Variants in SSBP3 observed in about 807,000 individuals in gnomAD.
SSBP3 encodes single-stranded DNA-binding protein 3.
A neutral mutation model predicts 69.6 loss-of-function variants in SSBP3; 5 were observed. The observed-to-expected ratio is 0.07, with a 90% confidence interval of 0.04 to 0.15. The LOEUF (loss-of-function observed/expected upper bound fraction) is 0.15, where lower values mean the gene tolerates loss of function less well. Ranked by LOEUF, SSBP3 falls within the 10% of genes least tolerant of loss-of-function variation. The probability of loss-of-function intolerance (pLI) is 1.00; values close to 1 mark genes in which losing one functional copy is unlikely to be tolerated. For missense variants in SSBP3, 312 were observed against 534.0 expected, an observed-to-expected ratio of 0.58 and a Z score of 4.10; for synonymous variants, 196 against 193.4, an observed-to-expected ratio of 1.01 and a Z score of -0.11.
intron 7 of SSBP3, chr1:54,255,686 C>T (rs955428299): frequency 1.3e-5 from 2 of 152,014 alleles, no homozygotes; most frequent in African/African-American, 4.8e-5. Context: ...AATTTGTCCC[C>T]TTCATGTCAG....
intron 4 of SSBP3, among the ~76,000 whole-genome samples, chr1:54,394,240 TCC>T (rs1648697994): frequency 6.6e-6 from 1 of 152,156 alleles, no homozygotes; most frequent in Admixed American, 6.5e-5. Flanking sequence ...AGGGCACCTT[TCC>T]CTCTGCGCAT....
intron 4 of SSBP3, among the ~76,000 whole-genome samples, chr1:54,303,380 A>C (rs897024735): frequency 6.7e-6 from 1 of 149,634 alleles, no homozygotes; most frequent in Non-Finnish European, 1.5e-5. Context: ...CAGTCAGCCC[A>C]GGGGGCAGGG....
intron 4 of SSBP3, among the ~76,000 whole-genome samples, chr1:54,401,570 TTAACA>T (rs1282628334): frequency 6.6e-6 from 1 of 152,218 alleles, no homozygotes; most frequent in Non-Finnish European, 1.5e-5. Context: ...CTGTCCACTC[TTAACA>T]TAAGTCTCAC....
chr1:54,389,696 AAAAAAAAT>A (rs1273296911), intron 4 of SSBP3, among the ~76,000 whole-genome samples: 1 of 144,194 alleles, frequency 6.9e-6, no homozygotes, highest in African/African-American at 2.7e-5. Context: ...GTCTCTACCA[AAAAAAAAT>A]AAAAAAATAA....
intron 4 of SSBP3, among the ~76,000 whole-genome samples, chr1:54,344,521 TA>T (rs2100542683): frequency 6.6e-6 from 1 of 152,318 alleles, no homozygotes; most frequent in African/African-American, 2.4e-5. Flanking sequence ...GTGATTCATT[TA>T]GGGGCATAAA....
At chr1:54,295,272 A>C (rs1381914102) in intron 4 of SSBP3, among the ~76,000 whole-genome samples, 8 of 152,140 alleles carry the variant, frequency 5.3e-5, no homozygotes, top group Admixed American at 5.2e-4. Flanking sequence ...CCAGCCCCTA[A>C]CAGATCAAGT....
chr1:54,406,184 G>A (rs1649755530), exon 1 of SSBP3: 2 of 465,952 alleles, frequency 4.3e-6, no homozygotes, highest in African/African-American at 2.2e-5. Context: ...CGCTGGCTCC[G>A]CGCTCTTTCC....
chr1:54,234,246 G>A (rs1393194991), intron 14 of SSBP3, among the ~76,000 whole-genome samples: 1 of 148,664 alleles, frequency 6.7e-6, no homozygotes, highest in Non-Finnish European at 1.5e-5. Flanking sequence ...GAAAACCAGA[G>A]ACCTTTGTTC....
chr1:54,288,601 T>C (rs976984122), intron 4 of SSBP3, among the ~76,000 whole-genome samples: 13 of 143,518 alleles, frequency 9.1e-5, no homozygotes, highest in African/African-American at 3.0e-4. Context: ...GGGGGGAGGG[T>C]AGTATTTATT....
intron 4 of SSBP3, among the ~76,000 whole-genome samples, chr1:54,337,867 G>A (rs569665509): frequency 1.3e-5 from 2 of 152,246 alleles, no homozygotes; most frequent in East Asian, 1.9e-4. Context: ...GGTGGCTCAC[G>A]TCTGTAACCC....
intron 14 of SSBP3, chr1:54,237,200 A>T (rs914556409): frequency 1.3e-5 from 2 of 152,268 alleles, no homozygotes; most frequent in African/African-American, 4.8e-5. Context: ...GAATGCTGGA[A>T]GGATCAGACA....
At chr1:54,289,045 CAAAAAAAAAAAA>C (rs1645554498) in intron 4 of SSBP3, among the ~76,000 whole-genome samples, 1 of 41,142 alleles carries the variant, frequency 2.4e-5, no homozygotes. Context: ...AACAAAAAAA[CAAAAAAAAAAAA>C]CAGTAATGTC....
chr1:54,251,717 T>C (rs778054504), intron 8 of SSBP3, 25 bp from the exon 9 acceptor site: 12 of 1,579,196 alleles, frequency 7.6e-6, no homozygotes, highest in East Asian at 6.9e-5. Flanking sequence ...AGGCGCGTCA[T>C]GGGATGGCAG....
At chr1:54,310,499 T>C (rs1159032394) in intron 4 of SSBP3, among the ~76,000 whole-genome samples, 2 of 152,152 alleles carry the variant, frequency 1.3e-5, no homozygotes, top group African/African-American at 4.8e-5. Flanking sequence ...GGTTTTTAAT[T>C]GAGCTACAAA....
chr1:54,389,590 G>A, intron 4 of SSBP3, among the ~76,000 whole-genome samples: 1 of 152,250 alleles, frequency 6.6e-6, no homozygotes, highest in East Asian at 1.9e-4. Context: ...CAGGCACAGT[G>A]GCTTACACCT....
chr1:54,340,505 T>C (rs1037838604), intron 4 of SSBP3, among the ~76,000 whole-genome samples: 1 of 152,200 alleles, frequency 6.6e-6, no homozygotes, highest in African/African-American at 2.4e-5. Context: ...AAGGGCCAAG[T>C]GGCTCCCGTG....
intron 4 of SSBP3, among the ~76,000 whole-genome samples, chr1:54,368,849 C>T (rs1477021838): frequency 6.6e-6 from 1 of 152,180 alleles, no homozygotes; most frequent in Non-Finnish European, 1.5e-5. Flanking sequence ...ACTAGGGAAT[C>T]TTCAGGCAAG....
chr1:54,263,141 C>T (rs1031055735), intron 5 of SSBP3, among the ~76,000 whole-genome samples: 3 of 152,218 alleles, frequency 2.0e-5, no homozygotes, highest in South Asian at 2.1e-4. Flanking sequence ...ACGAAAACTC[C>T]GAAGTGTGGA....
At chr1:54,267,240 C>T (rs758967108) in intron 5 of SSBP3, among the ~76,000 whole-genome samples, 2 of 152,328 alleles carry the variant, frequency 1.3e-5, no homozygotes, top group Non-Finnish European at 2.9e-5. Context: ...GGAGATTCTC[C>T]GTGTATTCCA....
Sources: allele counts gnomAD v4.1 joint callset (sites outside exome capture counted in the v4.1 genomes callset), GRCh38; gene constraint gnomAD v4.1.1; transcripts MANE v1.5; gene names NCBI Gene and HGNC (gene_info 2026-07-23, HGNC 2026-07-21).